SFMBT1: variants seen among roughly 807,000 people sequenced by gnomAD.
The protein encoded by SFMBT1 is scm-like with four MBT domains protein 1.
In SFMBT1, 32 loss-of-function variants were observed where a neutral mutation model predicts 108.7. The observed-to-expected ratio is 0.29, with a 90% confidence interval of 0.22 to 0.40. The LOEUF (loss-of-function observed/expected upper bound fraction) is 0.40. SFMBT1 is among the 10% of genes least tolerant of loss of function. The pLI is 1.00. For missense variants in SFMBT1, 816 were observed against 1,059.6 expected, an observed-to-expected ratio of 0.77 and a Z score of 3.19; for synonymous variants, 348 against 369.5, an observed-to-expected ratio of 0.94 and a Z score of 0.67.
In SFMBT1 at chr3:52,989,508, G is replaced by GA. The variant is rs967569084; in HGVS notation, c.-130-20251dup. Among the ~76,000 whole-genome samples the GA allele has an allele frequency of 4.7e-5, 7 of 150,360 alleles. No individual in the cohort carries two copies. In the South Asian group the frequency reaches 6.3e-4, roughly 14 times the overall value. Reference sequence around the variant, plus strand: ...TCCTACTAATGTTCATGTTTTATAAGAAAAAAATAAGGCCAGGTGTGGTGG... The same window carrying GA: ...TCCTACTAATGTTCATGTTTTATAAGAAAAAAAATAAGGCCAGGTGTGGTGG... On this transcript the variant is annotated intron_variant, in intron 1 of 20. Coordinates refer to ENST00000394752, the MANE Select transcript of SFMBT1 (RefSeq NM_016329.4).
chr3:52,932,090 T>C lies in SFMBT1; in HGVS notation c.672A>G (p.Gln224=), dbSNP rs781766819. ...PFLHHVGWAA[Q]QGYELQPPSA... ...AAGGGGGCTGAAGCTCATATCCCTG[T>C]TGAGCAGCCCAACCAACGTGATGAA... The change falls in exon 6 of 21, where the codon CAA becomes CAG. Residue 224 remains glutamine (Q), a synonymous_variant. Coordinates refer to ENST00000394752, the MANE Select transcript of SFMBT1 (RefSeq NM_016329.4). The C allele has an allele frequency of 3.1e-6, 5 of 1,614,006 alleles. No homozygotes were observed. Among genetic ancestry groups the C allele is most frequent in the African/African-American group, 2.7e-5 (2 of 74,946 alleles).
At chr3:52,952,497 C>G (rs1703628613) in intron 3 of SFMBT1, among the ~76,000 whole-genome samples, 1 of 152,110 alleles carries the variant, frequency 6.6e-6, no homozygotes, top group Admixed American at 6.6e-5. Context: ...TGTCTTAGTC[C>G]ATCTGGGGTG....
chr3:52,941,029 A>G (rs1255016238), intron 4 of SFMBT1, among the ~76,000 whole-genome samples: 1 of 152,222 alleles, frequency 6.6e-6, no homozygotes, highest in Non-Finnish European at 1.5e-5. Flanking sequence ...CAAGTTCAAA[A>G]AAGAAAAACA....
In SFMBT1 at chr3:52,913,536, C is replaced by T. The variant is rs1405537657; in HGVS notation, c.1562G>A (p.Arg521Lys). Residue 521 changes from arginine to lysine, a missense_variant, in exon 15 of 21, where the codon AGA becomes AAA. Arg to Lys is a conservative substitution (Grantham distance 26). Coordinates refer to ENST00000394752, the MANE Select transcript of SFMBT1 (RefSeq NM_016329.4). ...CFSGPYLNKGRIAELPQCVGP... is the reference protein window; with the variant it reads ...CFSGPYLNKGKIAELPQCVGP... ...TACACATTGAGGCAGCTCAGCAATT[C>T]TTCCTTTGTTAAGATATGGCCCTGA... The T allele has an allele frequency of 6.2e-7, 1 of 1,614,070 alleles. No homozygotes were observed. Among genetic ancestry groups the T allele is most frequent in the Non-Finnish European group, 8.5e-7 (1 of 1,180,028 alleles).
At chr3:52,987,315 C>T (rs767431971) in intron 1 of SFMBT1, among the ~76,000 whole-genome samples, 4 of 152,118 alleles carry the variant, frequency 2.6e-5, no homozygotes, top group African/African-American at 9.7e-5. Flanking sequence ...ATGTACTGTA[C>T]ATAACTGTAT....
At chr3:53,015,123 C>G (rs1207602783) in intron 1 of SFMBT1, among the ~76,000 whole-genome samples, 3 of 151,384 alleles carry the variant, frequency 2.0e-5, no homozygotes, top group Non-Finnish European at 4.4e-5. Context: ...GTGGAAGGAT[C>G]ATTTGAACTC....
chr3:52,985,906 G>GC (rs1334417565), intron 1 of SFMBT1, among the ~76,000 whole-genome samples: 2 of 152,172 alleles, frequency 1.3e-5, no homozygotes, highest in Non-Finnish European at 2.9e-5. Context: ...ACTTTGGGAG[G>GC]CCAAGGTGGG....
At chr3:52,972,904 A>G (rs1305003094) in intron 1 of SFMBT1, among the ~76,000 whole-genome samples, 2 of 151,720 alleles carry the variant, frequency 1.3e-5, no homozygotes, top group African/African-American at 4.9e-5. Flanking sequence ...GGCACCTGTA[A>G]TCCCAGCTAT....
At chr3:53,037,059 CT>C (rs1446792957) in intron 1 of SFMBT1, among the ~76,000 whole-genome samples, 6 of 152,214 alleles carry the variant, frequency 3.9e-5, no homozygotes, top group Admixed American at 3.3e-4. Context: ...CACCAGCACA[CT>C]ATTCCGGAAA....
At chr3:52,943,069 C>A (rs1703239043) in intron 4 of SFMBT1, among the ~76,000 whole-genome samples, 1 of 152,186 alleles carries the variant, frequency 6.6e-6, no homozygotes, top group South Asian at 2.1e-4. Flanking sequence ...ACAACCAGAT[C>A]TACAAATCTC....
chr3:52,964,351 A>T (rs889808520), intron 2 of SFMBT1, among the ~76,000 whole-genome samples: 1 of 152,080 alleles, frequency 6.6e-6, no homozygotes, highest in African/African-American at 2.4e-5. Context: ...CCCCATCTCT[A>T]CAAAAATTAA....
intron 1 of SFMBT1, among the ~76,000 whole-genome samples, chr3:53,038,003 C>T (rs1007504925): frequency 1.2e-4 from 18 of 152,036 alleles, no homozygotes; most frequent in African/African-American, 3.6e-4. Flanking sequence ...CCCAGCTACT[C>T]GGGAGGCTGA....
At chr3:53,006,601 C>G (rs1698750930) in intron 1 of SFMBT1, among the ~76,000 whole-genome samples, 1 of 148,188 alleles carries the variant, frequency 6.7e-6, no homozygotes, top group South Asian at 2.4e-4. Context: ...TGTACTCCAG[C>G]CTGGGCGACA....
intron 3 of SFMBT1, among the ~76,000 whole-genome samples, chr3:52,953,968 T>C (rs1703683972): frequency 6.6e-6 from 1 of 151,462 alleles, no homozygotes; most frequent in South Asian, 2.1e-4. Flanking sequence ...CTACTAAAAG[T>C]ACAAAAAATA....
rs185671174 is a variant in SFMBT1, at chr3:52,997,542, A to G, written c.-130-28284T>C. On this transcript the variant is annotated intron_variant, in intron 1 of 20. Transcript: ENST00000394752. ...CAGAGCGAGAGTCCATCTCAAAAAAAAAAAGAAAAGGAATTATTCTCAGCA... is the reference window on the plus strand; with the variant it reads ...CAGAGCGAGAGTCCATCTCAAAAAAGAAAAGAAAAGGAATTATTCTCAGCA... Among the ~76,000 whole-genome samples the G allele has an allele frequency of 7.8e-4, 117 of 150,338 alleles. 2 individuals carry two copies. Among genetic ancestry groups the G allele is most frequent in the African/African-American group, 2.7e-3 (111 of 41,406 alleles).
chr3:53,004,254 TTCTCTCTC>T (rs765353610), intron 1 of SFMBT1, among the ~76,000 whole-genome samples: 5 of 69,684 alleles, frequency 7.2e-5, no homozygotes, highest in Non-Finnish European at 1.1e-4. Context: ...TCTTTCTTCT[TTCTCTCTC>T]TCTCTCTCTC....
chr3:52,921,686 C>CT lies in SFMBT1; in HGVS notation c.1258+18dup, dbSNP rs763436023. ...AAGGAGAGTGGCCACAGGAAGGCTT[C>CT]TAGAGTGCTGGCACTCACCCTCCAG... On this transcript the variant is annotated intron_variant, in intron 11 of 20. Coordinates refer to ENST00000394752, the MANE Select transcript of SFMBT1 (RefSeq NM_016329.4). The CT allele has an allele frequency of 1.9e-6, 3 of 1,613,146 alleles. No homozygotes were observed. The highest frequency in any genetic ancestry group is 2.5e-6 in the Non-Finnish European group (3 of 1,179,626).
chr3:52,945,771 C>T (rs1265113576), intron 3 of SFMBT1, among the ~76,000 whole-genome samples: 1 of 145,206 alleles, frequency 6.9e-6, no homozygotes, highest in Non-Finnish European at 1.5e-5. Context: ...CGCACCACGG[C>T]AGGCAATCCA....
intron 3 of SFMBT1, among the ~76,000 whole-genome samples, chr3:52,945,651 A>C (rs928728054): frequency 1.4e-4 from 21 of 149,986 alleles, no homozygotes; most frequent in African/African-American, 4.4e-4. Context: ...TAAAAACACA[A>C]AAAAAATTAG....
Sources: allele counts gnomAD v4.1 joint callset (sites outside exome capture counted in the v4.1 genomes callset), GRCh38; gene constraint gnomAD v4.1.1; transcripts MANE v1.5; gene names NCBI Gene and HGNC (gene_info 2026-07-23, HGNC 2026-07-21).